SLC5A11: variants seen among roughly 807,000 people sequenced by gnomAD.
SLC5A11 encodes solute carrier family 5 member 11.
A neutral mutation model predicts 69.8 loss-of-function variants in SLC5A11; 48 were observed. The ratio of observed to expected loss-of-function variants is 0.69; its 90% confidence interval spans 0.55 to 0.87. The LOEUF (loss-of-function observed/expected upper bound fraction) is 0.87. Among genes scored for constraint, SLC5A11 ranks in the 40% least tolerant of loss-of-function variants. SLC5A11 has a pLI of 0.00. For synonymous variants in SLC5A11, 319 were observed against 342.4 expected (o/e 0.93, Z 0.75); for missense variants, 784 against 866.1 (o/e 0.91, Z 1.19).
At chr16:24,880,400 T>C (rs1477418446) in intron 7 of SLC5A11, among the ~76,000 whole-genome samples, 1 of 152,074 alleles carries the variant, frequency 6.6e-6, no homozygotes, top group African/African-American at 2.4e-5. Flanking sequence ...AATGGTGCAA[T>C]CTCAGCTCAC....
chr16:24,905,642 A>ACGCACG (rs1455247104), intron 10 of SLC5A11, among the ~76,000 whole-genome samples: 1 of 32,846 alleles, frequency 3.0e-5, no homozygotes, highest in African/African-American at 7.4e-5. Flanking sequence ...GCGCGCGCGC[A>ACGCACG]CACACACACA....
intron 9 of SLC5A11, among the ~76,000 whole-genome samples, 180 bp from the exon 11 acceptor site, chr16:24,897,794 A>T (rs1474200353): frequency 6.6e-6 from 1 of 152,212 alleles, no homozygotes; most frequent in African/African-American, 2.4e-5. Context: ...CTCATGAGAC[A>T]TATTCACTAC....
At chr16:24,866,548 C>T (rs1456412623) in intron 3 of SLC5A11, among the ~76,000 whole-genome samples, 1 of 148,154 alleles carries the variant, frequency 6.7e-6, no homozygotes, top group East Asian at 2.0e-4. Flanking sequence ...CACTGCACAG[C>T]AGCCTGGGCA....
intron 1 of SLC5A11, among the ~76,000 whole-genome samples, chr16:24,854,207 C>T (rs1395095897): frequency 6.6e-6 from 1 of 152,154 alleles, no homozygotes; most frequent in Non-Finnish European, 1.5e-5. Flanking sequence ...CTCCCTCTGC[C>T]CCACTCCCCA....
At position 24,908,062 on chromosome 16, in the gene SLC5A11, C is replaced by T. The variant is rs145761147; in HGVS notation, c.1365C>T (p.Ser455=). ...TCTTCATCTATATCCAGTCCATCAG[C>T]TCCTACCTGCAGCCGCCTGTGGCGG... Residue 455 remains serine, a synonymous_variant, in exon 13 of 16, where the codon AGC becomes AGT. Coordinates refer to ENST00000347898, the Ensembl canonical transcript of SLC5A11. 1,126 of 1,611,352 alleles carry T rather than the reference C, an allele frequency of 7.0e-4. 8 individuals carry two copies. Among genetic ancestry groups the T allele is most frequent in the South Asian group, 7.0e-3 (634 of 90,764 alleles).
At chr16:24,852,966 G>A (rs1426027794) in intron 1 of SLC5A11, among the ~76,000 whole-genome samples, 2 of 151,432 alleles carry the variant, frequency 1.3e-5, no homozygotes, top group Non-Finnish European at 2.9e-5. Flanking sequence ...ATGGCACACA[G>A]CTGGTGCCTA....
chr16:24,853,752 A>C (rs1003246056), intron 1 of SLC5A11, among the ~76,000 whole-genome samples: 2 of 152,206 alleles, frequency 1.3e-5, no homozygotes, highest in African/African-American at 4.8e-5. Flanking sequence ...CCCACCTGTG[A>C]AATGGAGGTG....
chr16:24,853,208 T>C (rs574747038), intron 1 of SLC5A11, among the ~76,000 whole-genome samples: 3 of 152,092 alleles, frequency 2.0e-5, no homozygotes, highest in South Asian at 4.2e-4. Flanking sequence ...GCACAGAGCT[T>C]GGCACCCAGA....
At chr16:24,896,942 CTTTTTT>C (rs869210839) in intron 9 of SLC5A11, among the ~76,000 whole-genome samples, 8 of 97,092 alleles carry the variant, frequency 8.2e-5, no homozygotes, top group East Asian at 6.1e-4. Flanking sequence ...AACCTCCTTC[CTTTTTT>C]TTTTTTTTTT....
chr16:24,905,503 A>G (rs993321582), intron 10 of SLC5A11, among the ~76,000 whole-genome samples: 37 of 151,988 alleles, frequency 2.4e-4, no homozygotes, highest in African/African-American at 8.7e-4. Context: ...GCTGGGTGTG[A>G]TGGTACATGC....
chr16:24,890,808 C>T, intron 8 of SLC5A11, 61 bp from the exon 10 acceptor site: 1 of 1,518,378 alleles, frequency 6.6e-7, no homozygotes, highest in Non-Finnish European at 9.1e-7. Context: ...CCAGCCATCT[C>T]CTCATCACTT....
intron 9 of SLC5A11, among the ~76,000 whole-genome samples, chr16:24,891,455 CA>C (rs2048805264): frequency 1.3e-5 from 2 of 151,880 alleles, no homozygotes; most frequent in African/African-American, 2.4e-5. Context: ...GCTGGGACTA[CA>C]GGCACATGCC....
chr16:24,865,363 C>T (rs551387035), intron 3 of SLC5A11, among the ~76,000 whole-genome samples: 1 of 152,262 alleles, frequency 6.6e-6, no homozygotes, highest in East Asian at 1.9e-4. Flanking sequence ...GAGTTTGAAA[C>T]CAGCCTGGCC....
chr16:24,909,421 C>T (rs552142465), intron 14 of SLC5A11, among the ~76,000 whole-genome samples: 1 of 152,136 alleles, frequency 6.6e-6, no homozygotes, highest in East Asian at 1.9e-4. Flanking sequence ...GGGAGGATCA[C>T]TTGAGGCCAG....
At chr16:24,901,823 G>A (rs1377001202) in intron 10 of SLC5A11, among the ~76,000 whole-genome samples, 5 of 150,638 alleles carry the variant, frequency 3.3e-5, no homozygotes, top group South Asian at 2.1e-4. Context: ...AGTGGCTCAC[G>A]CCTGTAATCC....
At chr16:24,890,072 GCA>G (rs1039917262) in intron 8 of SLC5A11, among the ~76,000 whole-genome samples, 26 of 152,232 alleles carry the variant, frequency 1.7e-4, no homozygotes, top group African/African-American at 6.0e-4. Context: ...AAATTTATTA[GCA>G]CACACAGGGG....
intron 14 of SLC5A11, among the ~76,000 whole-genome samples, chr16:24,909,403 G>A (rs1158837475): frequency 6.6e-6 from 1 of 152,220 alleles, no homozygotes; most frequent in Non-Finnish European, 1.5e-5. Context: ...ACTTCGGGAA[G>A]CTGAGATGGG....
intron 4 of SLC5A11, among the ~76,000 whole-genome samples, chr16:24,870,613 C>T (rs1346276326): frequency 3.3e-5 from 5 of 151,828 alleles, no homozygotes; most frequent in Non-Finnish European, 5.9e-5. Context: ...GACTCCATCT[C>T]TACTAAAAAT....
At chr16:24,864,120 G>A (rs958630139) in intron 3 of SLC5A11, among the ~76,000 whole-genome samples, 2 of 152,154 alleles carry the variant, frequency 1.3e-5, no homozygotes, top group African/African-American at 2.4e-5. Context: ...GAAGTGAGAT[G>A]CACATAGGGT....
Sources: gnomAD v4.1 joint callset for allele counts (sites outside exome capture counted in the v4.1 genomes callset) on GRCh38, gnomAD v4.1.1 for gene constraint, MANE v1.5 for transcripts, NCBI Gene and HGNC (gene_info 2026-07-23, HGNC 2026-07-21) for gene names.